DAPK2: variants seen among roughly 807,000 people sequenced by gnomAD.
DAPK2 encodes the protein death associated protein kinase 2, also known as death-associated protein kinase 2.
A neutral mutation model predicts 44.1 loss-of-function variants in DAPK2; 35 were observed. That is an observed-to-expected ratio of 0.79 (90% confidence interval 0.61 to 1.05). The LOEUF (loss-of-function observed/expected upper bound fraction) is 1.05. Among genes scored for constraint, DAPK2 ranks in the 50% least tolerant of loss-of-function variants. DAPK2 has a pLI of 0.00. For missense variants in DAPK2, 453 were observed against 483.2 expected, an observed-to-expected ratio of 0.94 and a Z score of 0.59; for synonymous variants, 174 against 182.6, an observed-to-expected ratio of 0.95 and a Z score of 0.38.
intron 1 of DAPK2, among the ~76,000 whole-genome samples, chr15:64,000,721 G>A (rs551873491): frequency 1.3e-5 from 2 of 152,268 alleles, no homozygotes; most frequent in South Asian, 4.1e-4. Flanking sequence ...CTGCACAGTA[G>A]AGGTCTTTGG....
chr15:63,941,652 AC>A (rs1442615191), intron 3 of DAPK2, among the ~76,000 whole-genome samples: 6 of 143,074 alleles, frequency 4.2e-5, no homozygotes, highest in Non-Finnish European at 9.2e-5. Flanking sequence ...AATAAATAAC[AC>A]ATTTCCTTTT....
chr15:63,913,015 A>G (rs970560393), intron 8 of DAPK2, among the ~76,000 whole-genome samples: 15 of 152,208 alleles, frequency 9.9e-5, no homozygotes, highest in Non-Finnish European at 1.9e-4. Context: ...TTAGTCAGAA[A>G]TACTATTCAT....
chr15:63,953,968 G>A (rs924223774), intron 3 of DAPK2, among the ~76,000 whole-genome samples: 3 of 151,998 alleles, frequency 2.0e-5, no homozygotes, highest in Non-Finnish European at 4.4e-5. Flanking sequence ...AACCTTTCCT[G>A]TGATGCTGAT....
intron 1 of DAPK2, among the ~76,000 whole-genome samples, chr15:64,023,872 C>T (rs2079760616): frequency 6.6e-6 from 1 of 152,290 alleles, no homozygotes; most frequent in South Asian, 2.1e-4. Flanking sequence ...AAGACTGCAT[C>T]GTGCGGGGGT....
At chr15:64,007,203 G>T (rs893608031) in intron 1 of DAPK2, among the ~76,000 whole-genome samples, 3 of 151,930 alleles carry the variant, frequency 2.0e-5, no homozygotes, top group Non-Finnish European at 4.4e-5. Context: ...GGTCTCCAGT[G>T]ATCCTCCCAC....
chr15:64,038,392 T>C (rs1458602326), intron 1 of DAPK2, among the ~76,000 whole-genome samples: 1 of 152,216 alleles, frequency 6.6e-6, no homozygotes. Context: ...ATCTTTCTGC[T>C]GGTGCCACCA....
At chr15:63,915,059 T>C (rs1396192387) in intron 8 of DAPK2, among the ~76,000 whole-genome samples, 1 of 152,248 alleles carries the variant, frequency 6.6e-6, no homozygotes, top group Admixed American at 6.5e-5. Flanking sequence ...GCATATAACC[T>C]ACACATACCC....
chr15:63,972,342 G>A (rs975398104), intron 2 of DAPK2, among the ~76,000 whole-genome samples: 11 of 152,140 alleles, frequency 7.2e-5, no homozygotes, highest in Admixed American at 1.3e-4. Context: ...AGAGGTTTGG[G>A]GTGCCAACTA....
At chr15:63,955,611 G>T (rs140045181) in intron 3 of DAPK2, among the ~76,000 whole-genome samples, 119 of 152,170 alleles carry the variant, frequency 7.8e-4, no homozygotes, top group African/African-American at 2.7e-3. Context: ...CTCTGTCACC[G>T]AGGCTGGAGT....
rs189140444 is a variant in DAPK2 at position 64,028,661 on chromosome 15, G to A, written c.92+11509C>T. ...GTCCATGTACTTAATACTTCACTAG[G>A]AAATCCATAGTGAAGTATTAAGGGG... On this transcript the variant is annotated intron_variant, in intron 1 of 10. Transcript: ENST00000261891. Among the ~76,000 whole-genome samples the A allele has an allele frequency of 1.2e-3, 190 of 152,252 alleles. 1 individual carries two copies. The highest frequency in any genetic ancestry group is 4.5e-3 in the African/African-American group (186 of 41,540).
chr15:63,916,612 G>C lies in DAPK2; in HGVS notation c.859-4415C>G, dbSNP rs1478973645. ...GGAAAGGAGCACATGGGGCTTGTGG[G>C]AGGCTTGAGGCTCTGCCTCCTCCTA... is the stretch of plus-strand genomic sequence containing the variant. On this transcript the variant is annotated intron_variant, in intron 8 of 10. Coordinates refer to ENST00000261891, the Ensembl canonical transcript of DAPK2. This position sits in a 1 kb window ranked among gnomAD's most constrained non-coding sequence, Gnocchi z 4.7. 1 of 152,310 alleles carries C rather than the reference G, an allele frequency of 6.6e-6. No individual in the cohort carries two copies. The highest frequency in any genetic ancestry group is 1.5e-5 in the Non-Finnish European group (1 of 68,100). 9.4% of individuals were successfully genotyped at this position (152,310 alleles called of 1,614,324 possible).
chr15:63,940,550 A>G (rs1456247045), intron 3 of DAPK2, among the ~76,000 whole-genome samples: 1 of 152,074 alleles, frequency 6.6e-6, no homozygotes, highest in Non-Finnish European at 1.5e-5. Context: ...TGTCTCTACT[A>G]AAAATACAAA....
chr15:64,019,276 C>T (rs941879841), intron 1 of DAPK2, among the ~76,000 whole-genome samples: 16 of 152,192 alleles, frequency 1.1e-4, no homozygotes, highest in African/African-American at 3.4e-4. Flanking sequence ...TCTGTTTACA[C>T]AGAAAAAAAT....
intron 3 of DAPK2, among the ~76,000 whole-genome samples, chr15:63,946,703 G>A (rs919372877): frequency 6.6e-6 from 1 of 152,152 alleles, no homozygotes; most frequent in Non-Finnish European, 1.5e-5. Flanking sequence ...CAAGGTCACT[G>A]AGCAAGGACC....
At chr15:63,920,289 C>T (rs1009591814) in intron 8 of DAPK2, 1 of 152,124 alleles carries the variant, frequency 6.6e-6, no homozygotes, top group Non-Finnish European at 1.5e-5. Flanking sequence ...TGAGTACCAC[C>T]GGCTTGGGAC....
intron 2 of DAPK2, among the ~76,000 whole-genome samples, chr15:63,974,284 A>T (rs1185248862): frequency 2.6e-5 from 4 of 152,248 alleles, no homozygotes; most frequent in Admixed American, 1.3e-4. Context: ...GCCAAATATG[A>T]GTGCTCAAGA....
intron 4 of DAPK2, among the ~76,000 whole-genome samples, chr15:63,932,361 A>G (rs2076986139): frequency 6.7e-6 from 1 of 148,336 alleles, no homozygotes; most frequent in African/African-American, 2.5e-5. Context: ...GCTACTCAGG[A>G]GGCTGAGGCA....
intron 2 of DAPK2, among the ~76,000 whole-genome samples, chr15:63,982,192 T>TC (rs1285916254): frequency 3.4e-5 from 5 of 148,016 alleles, no homozygotes; most frequent in African/African-American, 1.2e-4. Context: ...ATATTCTTTT[T>TC]TTTTTTTTTT....
At chr15:63,911,608 T>A (rs1273937361) in intron 10 of DAPK2, 1 of 427,254 alleles carries the variant, frequency 2.3e-6, no homozygotes, top group African/African-American at 2.0e-5. Flanking sequence ...CATTTTGGGT[T>A]GTCTGTGGTC....
Sources: allele counts gnomAD v4.1 joint callset (sites outside exome capture counted in the v4.1 genomes callset), GRCh38; gene constraint gnomAD v4.1.1; non-coding constraint Gnocchi (gnomAD v3.1); transcripts MANE v1.5; gene names NCBI Gene and HGNC (gene_info 2026-07-23, HGNC 2026-07-21).